Variants in ATG13 observed in about 807,000 individuals in gnomAD.
The protein encoded by ATG13 is autophagy related 13.
ATG13 carries 23 observed loss-of-function variants against 65.5 expected under a neutral mutation model. That is an observed-to-expected ratio of 0.35 (90% CI 0.25 to 0.50). The LOEUF (loss-of-function observed/expected upper bound fraction) is 0.50, where lower values mean the gene tolerates loss of function less well. Ranked by LOEUF, ATG13 falls within the 20% of genes least tolerant of loss-of-function variation. The probability of loss-of-function intolerance (pLI) is 0.98; values close to 1 mark genes in which losing one functional copy is unlikely to be tolerated. For synonymous variants in ATG13, 252 were observed against 245.2 expected, an observed-to-expected ratio of 1.03 and a Z score of -0.26; for missense variants, 566 against 677.0, an observed-to-expected ratio of 0.84 and a Z score of 1.82.
At chr11:46,646,122 G>A in intron 5 of ATG13, 133 bp downstream of exon 5, 1 of 1,231,148 alleles carries the variant, frequency 8.1e-7, no homozygotes, top group Middle Eastern at 2.4e-4. Flanking sequence ...GGGGGTCATA[G>A]TTTTTTTTGT....
At chr11:46,626,290 G>A (rs1228875392) in intron 1 of ATG13, among the ~76,000 whole-genome samples, 6 of 151,704 alleles carry the variant, frequency 4.0e-5, no homozygotes, top group African/African-American at 1.5e-4. Flanking sequence ...TCACTCTTGT[G>A]CCCAGGCTGG....
rs2063204576 is a variant in ATG13, at chr11:46,669,476, C to T, written c.1519C>T (p.Pro507Ser). The T allele has an allele frequency of 1.9e-6, 3 of 1,614,046 alleles. No homozygotes were observed. The highest frequency in any genetic ancestry group is 1.7e-6 in the Non-Finnish European group (2 of 1,180,014). Residue 507 changes from proline (P) to serine (S), a missense_variant, in exon 18 of 19, where the codon CCT becomes TCT. Around this residue, in one of 2 missense-constraint regions of ATG13, gnomAD observed 387 missense variants for 409.8 expected, o/e 0.94. Coordinates refer to ENST00000683050, the MANE Select transcript of ATG13 (RefSeq NM_001346311.2). ...CTTCTATCGGGAGTTTCAGAACCCA[C>T]CTCAGCTGAGCAGCCTCTCCATAGA... ...GTFYREFQNP[P>S]QLSSLSIDIG...
At chr11:46,622,129 T>TATATA (rs1565399237) in intron 1 of ATG13, among the ~76,000 whole-genome samples, 2 of 103,454 alleles carry the variant, frequency 1.9e-5, no homozygotes, top group East Asian at 8.4e-4. Flanking sequence ...ATATATATAT[T>TATATA]TATTTTAGAG....
intron 1 of ATG13, among the ~76,000 whole-genome samples, chr11:46,618,747 T>G (rs908510014): frequency 6.7e-6 from 1 of 149,158 alleles, no homozygotes; most frequent in Admixed American, 6.7e-5. Context: ...ATTATGAGGT[T>G]TTTTTTTTGT....
intron 7 of ATG13, among the ~76,000 whole-genome samples, chr11:46,651,004 A>C (rs1215172339): frequency 6.6e-6 from 1 of 152,200 alleles, no homozygotes; most frequent in Non-Finnish European, 1.5e-5. Context: ...CTGTTAACTC[A>C]GTTTAAGTTT....
Position 46,668,805 on chromosome 11 carries a change from A to G in ATG13, c.1341A>G (p.Pro447=). The change falls in exon 17 of 19, where the codon CCA becomes CCG. Residue 447 remains proline (P), a synonymous_variant. Coordinates refer to ENST00000683050, the MANE Select transcript of ATG13 (RefSeq NM_001346311.2). ...TTGCTATGAAACAGGTGAATCCTCC[A>G]GATTCCCCAGAGACTGAATCTCCTC... The part of the protein sequence containing the change: ...LEDTDPMVNP[P]DSPETESPLQ... 6.2e-7 allele frequency: 1 copy of G among 1,612,602 alleles called. No homozygotes were observed. Among genetic ancestry groups the G allele is most frequent in the South Asian group, 1.1e-5 (1 of 91,064 alleles).
rs2064234526 is a variant in ATG13 at position 46,673,787 on chromosome 11, G to A, written c.*1455G>A. On this transcript the variant is annotated 3_prime_UTR_variant, in exon 19 of 19. Coordinates refer to ENST00000683050, the MANE Select transcript of ATG13 (RefSeq NM_001346311.2). ...CCTCGCTGGTAGTCCTGGTCAAGGA[G>A]ATCTAGGTCTACTCCATTCCTCCTG... The A allele has an allele frequency of 6.6e-6, 1 of 152,246 alleles. No individual in the cohort carries two copies. The highest frequency in any genetic ancestry group is 2.4e-5 in the African/African-American group (1 of 41,442). 9.4% of individuals were successfully genotyped at this position (152,246 alleles called of 1,614,324 possible).
At position 46,670,668 on chromosome 11, in the gene ATG13, C is replaced by T. The variant is rs1358573497; in HGVS notation, c.1575+1136C>T. 3.3e-5 allele frequency among the ~76,000 whole-genome samples: 5 copies of T among 151,696 alleles called. No homozygotes were observed. The East Asian group carries it at 7.7e-4, about 23-fold the overall frequency. ...CAAAAAGTACAAAAAATTAGCTGGG[C>T]GTGGTGGCATCCGTCTGTAGTTCCA... On this transcript the variant is annotated intron_variant, in intron 18 of 18. Transcript: ENST00000683050.
chr11:46,629,120 T>G (rs1177829266), intron 1 of ATG13, among the ~76,000 whole-genome samples: 4 of 151,974 alleles, frequency 2.6e-5, no homozygotes, highest in Non-Finnish European at 5.9e-5. Context: ...TTTTTGTATT[T>G]TTAGTAGAGG....
At position 46,644,355 on chromosome 11, in the gene ATG13, C is replaced by T; in HGVS notation, c.64C>T (p.Leu22Phe). 1 of 1,608,176 alleles carries T rather than the reference C, an allele frequency of 6.2e-7. No homozygotes were observed. The highest frequency in any genetic ancestry group is 8.5e-7 in the Non-Finnish European group (1 of 1,177,818). Residue 22 changes from leucine to phenylalanine, a missense_variant, in exon 3 of 19, where the codon CTC becomes TTC. Leu to Phe is a conservative substitution (Grantham distance 22). Around this residue, in one of 2 missense-constraint regions of ATG13, gnomAD observed 179 missense variants for 267.2 expected, o/e 0.67. Transcript: ENST00000683050. ...DLDKFIKFFA[L>F]KTVQVIVQAR... ...GGACAAGTTTATTAAATTTTTTGCC[C>T]TCAAGGTAATGTGTCCATTCTCTTG...
chr11:46,620,105 T>C (rs775639057), intron 1 of ATG13, among the ~76,000 whole-genome samples: 2 of 151,926 alleles, frequency 1.3e-5, no homozygotes, highest in African/African-American at 2.4e-5. Flanking sequence ...GTTGTTGTTT[T>C]TTGCAATGGA....
intron 2 of ATG13, among the ~76,000 whole-genome samples, chr11:46,640,874 C>A (rs1006591578): frequency 3.3e-5 from 5 of 152,188 alleles, no homozygotes; most frequent in African/African-American, 7.2e-5. Flanking sequence ...CGCTGCTGGA[C>A]TGTGAACTGG....
Position 46,667,856 on chromosome 11 carries a change from T to C in ATG13, c.1220T>C (p.Val407Ala), listed in dbSNP as rs1355440970. 6.2e-7 allele frequency: 1 copy of C among 1,612,794 alleles called. No homozygotes were observed. Residue 407 changes from valine (V) to alanine (A), a missense_variant, in exon 15 of 19, where the codon GTG becomes GCG. This residue lies in a region of ATG13 where 387 missense variants were observed against 409.8 expected (regional missense o/e 0.94). Coordinates refer to ENST00000683050, the MANE Select transcript of ATG13 (RefSeq NM_001346311.2). ...DVLETIFVRK[V>A]GAFVNKPINQ... ...TTGGAGACCATCTTTGTCCGAAAAG[T>C]GGGGGCTTTTGTCAACAAACCCATT... is the stretch of plus-strand genomic sequence containing the variant.
chr11:46,633,536 G>A (rs774508687), intron 2 of ATG13, among the ~76,000 whole-genome samples: 5 of 151,766 alleles, frequency 3.3e-5, no homozygotes, highest in Admixed American at 6.6e-5. Context: ...TAGTAGAGAC[G>A]GGGTTTCGCC....
intron 1 of ATG13, among the ~76,000 whole-genome samples, chr11:46,627,560 T>C (rs1477829211): frequency 6.6e-6 from 1 of 151,816 alleles, no homozygotes; most frequent in Non-Finnish European, 1.5e-5. Context: ...GACCTTCGCC[T>C]CCTGGGTTCA....
chr11:46,625,255 A>G (rs1565413920), intron 1 of ATG13: 2 of 142,538 alleles, frequency 1.4e-5, no homozygotes, highest in African/African-American at 5.2e-5. Context: ...TACTTTTGCT[A>G]TAGCTTGCTC....
At chr11:46,671,688 G>A (rs946934256) in intron 18 of ATG13, among the ~76,000 whole-genome samples, 17 of 152,208 alleles carry the variant, frequency 1.1e-4, no homozygotes, top group African/African-American at 4.1e-4. Context: ...GTTGCAGTGA[G>A]CTGAGATCAC....
intron 1 of ATG13, among the ~76,000 whole-genome samples, chr11:46,618,819 T>C (rs2046282097): frequency 6.6e-6 from 1 of 152,004 alleles, no homozygotes; most frequent in South Asian, 2.1e-4. Context: ...ATTTTAAAAT[T>C]TTTATTATTA....
At chr11:46,656,792 T>G (rs139495814) in intron 8 of ATG13, among the ~76,000 whole-genome samples, 89 of 152,334 alleles carry the variant, frequency 5.8e-4, no homozygotes, top group African/African-American at 2.0e-3. Context: ...TCTCAGGCCT[T>G]AAAACTAACA....
Sources: allele counts gnomAD v4.1 joint callset (sites outside exome capture counted in the v4.1 genomes callset), GRCh38; gene constraint gnomAD v4.1.1; regional missense constraint gnomAD v4.1.1; transcripts MANE v1.5; gene names NCBI Gene and HGNC (gene_info 2026-07-23, HGNC 2026-07-21).